The following PCDHGA3 variants were observed in gnomAD, a reference collection of about 807,000 sequenced individuals.
The protein encoded by PCDHGA3 is protocadherin gamma subfamily A, 3, also known as protocadherin gamma-A3.
In PCDHGA3, 40 loss-of-function variants were observed where a neutral mutation model predicts 58.5. The ratio of observed to expected loss-of-function variants is 0.68; its 90% confidence interval spans 0.53 to 0.89. The LOEUF is 0.89. PCDHGA3 is among the 40% of genes least tolerant of loss of function. The probability of loss-of-function intolerance (pLI) is 0.00; values close to 1 mark genes in which losing one functional copy is unlikely to be tolerated. For synonymous variants in PCDHGA3, 530 were observed against 525.7 expected (o/e 1.01, Z -0.11); for missense variants, 1,223 against 1,195.9 (o/e 1.02, Z -0.33).
chr5:141,374,528 T>C (rs759567011), intron 1 of PCDHGA3: 27 of 1,612,930 alleles, frequency 1.7e-5, no homozygotes, highest in Non-Finnish European at 2.1e-5. Context: ...CGCAGCTCCA[T>C]CCTCTCGTTT....
At chr5:141,405,523 G>T (rs140184617) in intron 1 of PCDHGA3, 2 of 679,202 alleles carry the variant, frequency 2.9e-6, no homozygotes, top group African/African-American at 3.6e-5. Context: ...AAATTCAAGC[G>T]ATTCTCCTGC....
At position 141,491,127 on chromosome 5, in the gene PCDHGA3, C is replaced by T. The variant is rs2099708654; in HGVS notation, c.2425-3680C>T. On this transcript the variant is annotated intron_variant, in intron 1 of 3. Transcript: ENST00000253812. This position sits in a 1 kb window ranked among gnomAD's most constrained non-coding sequence, Gnocchi z 6.9. ...TGTCTACACACACTGGTGAGGTGCGCACAGCCCGGGCCTTACTGGAGGATG... is the reference window on the plus strand; with the variant it reads ...TGTCTACACACACTGGTGAGGTGCGTACAGCCCGGGCCTTACTGGAGGATG... 1 of 1,614,076 alleles carries T rather than the reference C, an allele frequency of 6.2e-7. No individual in the cohort carries two copies. The highest frequency in any genetic ancestry group is 1.3e-5 in the African/African-American group (1 of 74,942).
intron 1 of PCDHGA3, among the ~76,000 whole-genome samples, chr5:141,465,443 C>T (rs979024871): frequency 6.6e-6 from 1 of 152,158 alleles, no homozygotes; most frequent in Non-Finnish European, 1.5e-5. Flanking sequence ...AATGATTACC[C>T]AAGAAAACTC....
rs148331367 is a variant in PCDHGA3 at position 141,435,055 on chromosome 5, A to C, written c.2425-59752A>C. ...TTTATTTTTTTCCCATTGACCATGC[A>C]GCAGTTTTGTGTAGACCGTCTGATA... On this transcript the variant is annotated intron_variant, in intron 1 of 3. Transcript: ENST00000253812. Among the ~76,000 whole-genome samples, 21 of 152,242 alleles carry C rather than the reference A, an allele frequency of 1.4e-4. No individual in the cohort carries two copies. The East Asian group carries it at 4.0e-3, about 29-fold the overall frequency.
rs1399367534 is a variant in PCDHGA3 at position 141,487,098 on chromosome 5, A to G, written c.2425-7709A>G. 6.2e-7 allele frequency: 1 copy of G among 1,613,778 alleles called. No homozygotes were observed. The highest frequency in any genetic ancestry group is 8.5e-7 in the Non-Finnish European group (1 of 1,179,788). On this transcript the variant is annotated intron_variant, in intron 1 of 3. Transcript: ENST00000253812. The surrounding 1 kb of genome is among the most constrained non-coding windows in gnomAD (Gnocchi z 5.0). ...ATCCCAGCTGACCTCCCACCACAGA[A>G]GCTGGTCATTGTGGTAAAGGATAGT...
At chr5:141,355,244 A>C in intron 1 of PCDHGA3, 1 of 1,613,114 alleles carries the variant, frequency 6.2e-7, no homozygotes, top group Non-Finnish European at 8.5e-7. Context: ...CGGCTGCTCC[A>C]GATCTGCCTT....
chr5:141,423,238 G>C (rs765040062), intron 1 of PCDHGA3: 4 of 1,613,778 alleles, frequency 2.5e-6, no homozygotes, highest in South Asian at 2.2e-5. Context: ...CAGCATCCCC[G>C]AAGTCCTGGC....
At chr5:141,427,824 G>A (rs1298494092) in intron 1 of PCDHGA3, 5 of 1,535,458 alleles carry the variant, frequency 3.3e-6, no homozygotes, top group African/African-American at 1.4e-5. Flanking sequence ...GGTGGTGGTC[G>A]CGCAGCGTGC....
At chr5:141,498,967 GGGAGGGAAGGAA>G (rs1374222518) in intron 2 of PCDHGA3, among the ~76,000 whole-genome samples, 13 of 129,674 alleles carry the variant, frequency 1.0e-4, no homozygotes, top group South Asian at 5.5e-4. Context: ...GAGGGAGGGA[GGGAGGGAAGGAA>G]GGAAGGAAGG....
Position 141,477,809 on chromosome 5 carries a change from C to A in PCDHGA3, c.2425-16998C>A. 1 of 1,614,146 alleles carries A rather than the reference C, an allele frequency of 6.2e-7. No individual in the cohort carries two copies. Among genetic ancestry groups the A allele is most frequent in the Non-Finnish European group, 8.5e-7 (1 of 1,180,040 alleles). On this transcript the variant is annotated intron_variant, in intron 1 of 3. Coordinates refer to ENST00000253812, the MANE Select transcript of PCDHGA3 (RefSeq NM_018916.4). The surrounding 1 kb of genome is among the most constrained non-coding windows in gnomAD (Gnocchi z 4.9). ...TGTCACTGATCGCAATGACAATGCC[C>A]CCCAGGTCCTATATCCTCGGCCAGG...
At chr5:141,365,871 T>C in intron 1 of PCDHGA3, 1 of 1,614,098 alleles carries the variant, frequency 6.2e-7, no homozygotes, top group Non-Finnish European at 8.5e-7. Context: ...ACCGGTGTCC[T>C]GTATGCTCTG....
chr5:141,376,529 C>A (rs536041905), intron 1 of PCDHGA3: 2 of 1,613,656 alleles, frequency 1.2e-6, no homozygotes, highest in Non-Finnish European at 1.7e-6. Context: ...TCCGCCTAAG[C>A]GGGAAGAGTA....
At chr5:141,446,642 A>T (rs939365233) in intron 1 of PCDHGA3, among the ~76,000 whole-genome samples, 2 of 151,970 alleles carry the variant, frequency 1.3e-5, no homozygotes, top group Admixed American at 1.3e-4. Flanking sequence ...ACGCCTGGCT[A>T]ATTTTTGTAT....
Position 141,390,351 on chromosome 5 carries a change from C to T in PCDHGA3, c.2424+43894C>T, listed in dbSNP as rs1561631456. 5 of 1,558,898 alleles carry T rather than the reference C, an allele frequency of 3.2e-6. No homozygotes were observed. The Admixed American group carries it at 9.1e-5, about 28-fold the overall frequency. On this transcript the variant is annotated intron_variant, in intron 1 of 3. Transcript: ENST00000253812. ...TTCTCCATATTCACAAGAAAATATA[C>T]ATATTTGCAGGAAAATATATAATTT...
intron 1 of PCDHGA3, chr5:141,414,677 A>AG: frequency 1.9e-6 from 3 of 1,613,794 alleles, no homozygotes; most frequent in South Asian, 2.2e-5. Flanking sequence ...GACACCATCC[A>AG]GGGGGTACCT....
chr5:141,500,400 G>A (rs2099799942), intron 2 of PCDHGA3, among the ~76,000 whole-genome samples: 1 of 151,666 alleles, frequency 6.6e-6, no homozygotes, highest in East Asian at 1.9e-4. Context: ...TAGTAGAGAC[G>A]GGGTTTCACC....
intron 1 of PCDHGA3, chr5:141,356,367 T>A: frequency 6.4e-7 from 1 of 1,559,764 alleles, no homozygotes; most frequent in South Asian, 1.2e-5. Context: ...TTCCAGATAA[T>A]CTGCCATTCA....
chr5:141,510,194 G>A (rs920127442), intron 3 of PCDHGA3, among the ~76,000 whole-genome samples: 1 of 151,462 alleles, frequency 6.6e-6, no homozygotes, highest in Non-Finnish European at 1.5e-5. Context: ...AATCACTTGA[G>A]CCCAGGAGGC....
chr5:141,384,021 A>G (rs1779689462), intron 1 of PCDHGA3: 1 of 1,613,720 alleles, frequency 6.2e-7, no homozygotes, highest in African/African-American at 1.3e-5. Context: ...TACAAGACAG[A>G]GATTCTGGAA....
Sources: gnomAD v4.1 joint callset for allele counts (sites outside exome capture counted in the v4.1 genomes callset) on GRCh38, gnomAD v4.1.1 for gene constraint, Gnocchi (gnomAD v3.1) non-coding constraint, MANE v1.5 for transcripts, NCBI Gene and HGNC (gene_info 2026-07-23, HGNC 2026-07-21) for gene names.